FRMD4A: variants seen among roughly 807,000 people sequenced by gnomAD.
FRMD4A encodes the protein FERM domain containing 4A.
Under a neutral mutation model 129.1 loss-of-function variants are expected in FRMD4A, and 29 were observed. The ratio of observed to expected loss-of-function variants is 0.22; its 90% confidence interval spans 0.17 to 0.31. FRMD4A has a LOEUF of 0.31. FRMD4A is among the 10% of genes least tolerant of loss of function. The probability of loss-of-function intolerance (pLI) is 1.00; values close to 1 mark genes in which losing one functional copy is unlikely to be tolerated. For synonymous variants in FRMD4A, 634 were observed against 571.6 expected, an observed-to-expected ratio of 1.11 and a Z score of -1.56; for missense variants, 1,272 against 1,375.8, an observed-to-expected ratio of 0.92 and a Z score of 1.19.
chr10:13,781,368 C>CTTTTTTT (rs1161094661), intron 6 of FRMD4A, among the ~76,000 whole-genome samples: 10 of 70,712 alleles, frequency 1.4e-4, no homozygotes, highest in Non-Finnish European at 2.4e-4. Flanking sequence ...ATGGATGAAC[C>CTTTTTTT]TTTTTTTTTT....
At chr10:14,282,474 G>C (rs145382709) in intron 2 of FRMD4A, among the ~76,000 whole-genome samples, 4 of 152,144 alleles carry the variant, frequency 2.6e-5, no homozygotes, top group African/African-American at 9.7e-5. Flanking sequence ...TGCGTTAGCC[G>C]TGAGGAAGCA....
At chr10:14,233,856 T>C (rs76755817) in intron 2 of FRMD4A, among the ~76,000 whole-genome samples, 3,885 of 152,368 alleles carry the variant, frequency 0.025, 163 homozygotes, top group African/African-American at 0.089. Context: ...CTGCTTCAGA[T>C]TTTAATTCAG....
rs147015015 is a variant in FRMD4A, at chr10:14,054,942, A to G, written c.46-196030T>C. 2.8e-3 allele frequency among the ~76,000 whole-genome samples: 430 copies of G among 152,316 alleles called. 6 individuals are homozygous for G. Among genetic ancestry groups the G allele is most frequent in the African/African-American group, 9.9e-3 (411 of 41,562 alleles). Reference sequence around the variant, plus strand: ...ATGATTGTGAGGACTTTCCAGCCACATGGAACTGTGAGTCCATTAAACCTC... The same window carrying G: ...ATGATTGTGAGGACTTTCCAGCCACGTGGAACTGTGAGTCCATTAAACCTC... On this transcript the variant is annotated intron_variant, in intron 2 of 24. Transcript: ENST00000357447.
At chr10:13,769,266 T>C (rs1011816830) in intron 6 of FRMD4A, among the ~76,000 whole-genome samples, 1 of 151,950 alleles carries the variant, frequency 6.6e-6, no homozygotes, top group East Asian at 1.9e-4. Flanking sequence ...GGTCACCGTG[T>C]CTGTGGTGTA....
At position 14,136,794 on chromosome 10, in the gene FRMD4A, G is replaced by A. The variant is rs117880519; in HGVS notation, c.45+193264C>T. ...AATGCATAAAAGCAAGCTGTACCCCGACCACCTTGGGCACATGTCATCAGG... is the reference window on the plus strand; with the variant it reads ...AATGCATAAAAGCAAGCTGTACCCCAACCACCTTGGGCACATGTCATCAGG... On this transcript the variant is annotated intron_variant, in intron 2 of 24. Transcript: ENST00000357447. Among the ~76,000 whole-genome samples, 233 of 152,078 alleles carry A rather than the reference G, an allele frequency of 1.5e-3. 4 individuals are homozygous for A. In the East Asian group the frequency reaches 0.019, roughly 12 times the overall value.
intron 3 of FRMD4A, among the ~76,000 whole-genome samples, chr10:13,822,966 C>T (rs1252133939): frequency 6.6e-6 from 1 of 152,104 alleles, no homozygotes; most frequent in African/African-American, 2.4e-5. Context: ...TTTAGTCTCC[C>T]CATTTGTCCC....
rs147967931 is a variant in FRMD4A, at chr10:14,136,846, G to A, written c.45+193212C>T. Among the ~76,000 whole-genome samples the A allele has an allele frequency of 5.6e-3, 860 of 152,318 alleles. 12 individuals are homozygous for A. Among genetic ancestry groups the A allele is most frequent in the African/African-American group, 0.02 (821 of 41,568 alleles). On this transcript the variant is annotated intron_variant, in intron 2 of 24. Transcript: ENST00000357447. ...CCTCCTGAGGTTGTATCACAGCTGC[G>A]TTTTTAACCTTGACAAAATAAACCT...
chr10:14,181,696 A>AT (rs1168705576), intron 2 of FRMD4A, among the ~76,000 whole-genome samples: 1 of 151,974 alleles, frequency 6.6e-6, no homozygotes, highest in African/African-American at 2.4e-5. Context: ...ATTACCATGA[A>AT]TTTTTTTTAT....
intron 2 of FRMD4A, among the ~76,000 whole-genome samples, chr10:14,277,272 T>C (rs1196053042): frequency 1.3e-5 from 2 of 152,182 alleles, no homozygotes; most frequent in Non-Finnish European, 2.9e-5. Context: ...TGAAAGAGGC[T>C]CTGGTCTGAG....
intron 8 of FRMD4A, among the ~76,000 whole-genome samples, chr10:13,758,909 T>C (rs2091961275): frequency 6.6e-6 from 1 of 152,144 alleles, no homozygotes; most frequent in African/African-American, 2.4e-5. Flanking sequence ...AAATACCTAA[T>C]GTTTAGCCAC....
Position 14,052,235 on chromosome 10 carries a change from C to A in FRMD4A, c.46-193323G>T, listed in dbSNP as rs985505298. On this transcript the variant is annotated intron_variant, in intron 2 of 24. Transcript: ENST00000357447. ...GGAGACCTTGACTTTCGACTTTCAG[C>A]CTCCAGAACTGTGAAAGAATAAATT... Among the ~76,000 whole-genome samples the A allele has an allele frequency of 2.6e-5, 4 of 152,144 alleles. No individual in the cohort carries two copies. In the East Asian group the frequency reaches 7.7e-4, roughly 29 times the overall value.
intron 2 of FRMD4A, among the ~76,000 whole-genome samples, chr10:14,138,966 G>A (rs1839693103): frequency 1.3e-5 from 2 of 152,102 alleles, no homozygotes; most frequent in South Asian, 2.1e-4. Context: ...GGCTACCCCT[G>A]CCCCTTCCCT....
intron 2 of FRMD4A, among the ~76,000 whole-genome samples, chr10:14,215,118 A>G (rs1436013919): frequency 6.6e-6 from 1 of 152,226 alleles, no homozygotes; most frequent in African/African-American, 2.4e-5. Context: ...TTAAGTTGGG[A>G]AAAGGTAGAT....
chr10:13,717,710 T>C (rs867075862), intron 12 of FRMD4A, among the ~76,000 whole-genome samples: 1,342 of 85,552 alleles, frequency 0.016, 35 homozygotes, highest in African/African-American at 0.052. Context: ...TTTTTTTTTT[T>C]CCAGGGGTGG....
At chr10:13,903,716 A>T (rs532003413) in intron 2 of FRMD4A, among the ~76,000 whole-genome samples, 2 of 151,952 alleles carry the variant, frequency 1.3e-5, no homozygotes, top group African/African-American at 4.8e-5. Context: ...TAAAAAAATA[A>T]AAATAAAAAA....
At chr10:14,134,693 G>A (rs1026950874) in intron 2 of FRMD4A, among the ~76,000 whole-genome samples, 8 of 151,680 alleles carry the variant, frequency 5.3e-5, no homozygotes, top group Non-Finnish European at 7.4e-5. Flanking sequence ...ATGGATGGGT[G>A]GGTCAATAGA....
Position 13,876,452 on chromosome 10 carries a change from A to G in FRMD4A, c.46-17540T>C, listed in dbSNP as rs1178410418. On this transcript the variant is annotated intron_variant, in intron 2 of 24. Transcript: ENST00000357447. ...TTCTCATATAAATGTGTGGTCGAAC[A>G]TCCCCTATTTAAAATGTAATTCTGT... Among the ~76,000 whole-genome samples, 5 of 152,314 alleles carry G rather than the reference A, an allele frequency of 3.3e-5. No individual in the cohort carries two copies. The South Asian group carries it at 8.3e-4, about 25-fold the overall frequency.
At chr10:14,148,038 G>A (rs1043796967) in intron 2 of FRMD4A, among the ~76,000 whole-genome samples, 4 of 152,096 alleles carry the variant, frequency 2.6e-5, no homozygotes, top group East Asian at 1.9e-4. Context: ...TGTCTGGGAC[G>A]ATAAACTCAG....
chr10:14,301,881 C>T (rs558269482), intron 2 of FRMD4A, among the ~76,000 whole-genome samples: 2 of 151,968 alleles, frequency 1.3e-5, no homozygotes, highest in South Asian at 4.2e-4. Context: ...GCTGTATAAC[C>T]CTGGATGGTT....
Sources: gnomAD v4.1 joint callset for allele counts (sites outside exome capture counted in the v4.1 genomes callset) on GRCh38, gnomAD v4.1.1 for gene constraint, MANE v1.5 for transcripts, NCBI Gene and HGNC (gene_info 2026-07-23, HGNC 2026-07-21) for gene names.